Variants in CDH13 observed in about 807,000 individuals in gnomAD.
CDH13 encodes the protein cadherin 13.
Under a neutral mutation model 63.8 loss-of-function variants are expected in CDH13, and 24 were observed. That is an observed-to-expected ratio of 0.38 (90% CI 0.27 to 0.53). CDH13 has a LOEUF of 0.53. Ranked by LOEUF, CDH13 falls within the 20% of genes least tolerant of loss-of-function variation. CDH13 has a pLI of 0.85. For synonymous variants in CDH13, 503 were observed against 355.3 expected, an observed-to-expected ratio of 1.42 and a Z score of -4.67; for missense variants, 1,049 against 903.1, an observed-to-expected ratio of 1.16 and a Z score of -2.07.
chr16:83,667,024 TG>T (rs1914033357), intron 8 of CDH13, among the ~76,000 whole-genome samples: 2 of 47,340 alleles, frequency 4.2e-5, no homozygotes, highest in Admixed American at 2.7e-4. Context: ...GATGGATGGA[TG>T]GATGGGTGGA....
At chr16:83,513,274 C>A (rs559023945) in intron 7 of CDH13, among the ~76,000 whole-genome samples, 10 of 152,118 alleles carry the variant, frequency 6.6e-5, no homozygotes, top group Non-Finnish European at 8.8e-5. Context: ...TGACTCAGCC[C>A]CTGACCACAG....
intron 7 of CDH13, among the ~76,000 whole-genome samples, chr16:83,583,540 G>C (rs533292546): frequency 1.6e-4 from 24 of 152,324 alleles, no homozygotes; most frequent in African/African-American, 5.5e-4. Context: ...GATGTATAGG[G>C]ATTATCCCAT....
intron 4 of CDH13, among the ~76,000 whole-genome samples, chr16:83,134,850 A>G (rs1389282600): frequency 6.6e-6 from 1 of 152,172 alleles, no homozygotes. Context: ...ACTTCCCTCC[A>G]TGATCTACAT....
At chr16:82,765,751 A>G (rs1393739746) in intron 1 of CDH13, among the ~76,000 whole-genome samples, 2 of 152,166 alleles carry the variant, frequency 1.3e-5, no homozygotes, top group African/African-American at 4.8e-5. Flanking sequence ...TCTGAGTGTC[A>G]TGTCTTCCTG....
chr16:82,786,203 A>C (rs566232651), intron 1 of CDH13, among the ~76,000 whole-genome samples: 2 of 152,224 alleles, frequency 1.3e-5, no homozygotes, highest in Non-Finnish European at 2.9e-5. Context: ...TAGAAGTAGA[A>C]GGCAAAGAAT....
chr16:83,719,531 CACA>C (rs1309589945), intron 10 of CDH13, among the ~76,000 whole-genome samples: 2 of 152,138 alleles, frequency 1.3e-5, no homozygotes, highest in African/African-American at 2.4e-5. Flanking sequence ...CATTTTCCAG[CACA>C]ACAACTAGAT....
intron 5 of CDH13, among the ~76,000 whole-genome samples, chr16:83,313,666 A>AAAAAAAAAAAAAAAAAAAAAT (rs1555528954): frequency 1.4e-5 from 2 of 144,208 alleles, no homozygotes; most frequent in South Asian, 2.2e-4. Flanking sequence ...AAAAAAAAAA[A>AAAAAAAAAAAAAAAAAAAAAT]GGGAGGTCCT....
intron 1 of CDH13, among the ~76,000 whole-genome samples, chr16:82,712,868 C>G (rs7188792): frequency 6.6e-6 from 1 of 152,104 alleles, no homozygotes; most frequent in Non-Finnish European, 1.5e-5. Context: ...ACTCTCCGCT[C>G]TCTGGGGGCC....
chr16:82,733,818 A>G (rs1345457808), intron 1 of CDH13, among the ~76,000 whole-genome samples: 3 of 152,258 alleles, frequency 2.0e-5, no homozygotes, highest in African/African-American at 7.2e-5. Flanking sequence ...AAACTGGATA[A>G]AATACCCAGT....
At chr16:83,412,199 C>G (rs769369392) in intron 6 of CDH13, among the ~76,000 whole-genome samples, 3 of 152,208 alleles carry the variant, frequency 2.0e-5, no homozygotes, top group Admixed American at 2.0e-4. Context: ...TGGTAGCTCA[C>G]TCCTGTAATC....
At chr16:82,633,951 A>G (rs1364835277) in intron 1 of CDH13, among the ~76,000 whole-genome samples, 3 of 152,210 alleles carry the variant, frequency 2.0e-5, no homozygotes, top group Non-Finnish European at 2.9e-5. Context: ...AAAAAAAGTG[A>G]TTGTTTTTCC....
intron 6 of CDH13, among the ~76,000 whole-genome samples, chr16:83,433,722 G>A (rs898237782): frequency 6.6e-6 from 1 of 152,222 alleles, no homozygotes; most frequent in African/African-American, 2.4e-5. Context: ...ACAGGCTGAT[G>A]TAGATTCCTT....
chr16:83,266,607 C>G (rs1015511295), intron 5 of CDH13, among the ~76,000 whole-genome samples: 1 of 152,108 alleles, frequency 6.6e-6, no homozygotes, highest in Non-Finnish European at 1.5e-5. Context: ...CCAGGGAATA[C>G]CTAAAAAATG....
At chr16:82,995,557 A>G (rs566774298) in intron 2 of CDH13, among the ~76,000 whole-genome samples, 8 of 152,186 alleles carry the variant, frequency 5.3e-5, no homozygotes, top group African/African-American at 1.4e-4. Context: ...CACCATTCCA[A>G]TTCTGGACTG....
intron 1 of CDH13, among the ~76,000 whole-genome samples, chr16:82,648,520 A>G (rs1417633361): frequency 2.0e-5 from 3 of 152,224 alleles, no homozygotes; most frequent in Non-Finnish European, 4.4e-5. Flanking sequence ...GAAAAATCAT[A>G]TGAATGAGAA....
At position 83,799,141 on chromosome 16, in the gene CDH13, ATCTC is replaced by A. The variant is rs35590734; in HGVS notation, c.*4113_*4116del. 0.16 allele frequency: 24,679 copies of A among 151,586 alleles called. 2,075 individuals carry two copies. Among genetic ancestry groups the A allele is most frequent in the Middle Eastern group, 0.21 (62 of 292 alleles). 9.4% of individuals were successfully genotyped at this position (151,586 alleles called of 1,614,324 possible). On this transcript the variant is annotated 3_prime_UTR_variant, in exon 14 of 14. Coordinates refer to ENST00000567109, the MANE Select transcript of CDH13 (RefSeq NM_001257.5). ...AGCCTGGCCAGCATGGTGAAACCCT[ATCTC>A]TACTAAAAAATACAAAAATTAGCTG...
chr16:83,010,017 C>T (rs1383608414), intron 2 of CDH13, among the ~76,000 whole-genome samples: 2 of 151,846 alleles, frequency 1.3e-5, no homozygotes, highest in Non-Finnish European at 2.9e-5. Context: ...CGCCTGTAAT[C>T]CCAGCTACTC....
In CDH13 at chr16:83,304,955, T is replaced by G. The variant is rs142247787; in HGVS notation, c.637-39907T>G. ...GCAGAACTTTCCCACTTTTCATATT[T>G]TACAAAGGAGCATTTTATTTAAGCT... On this transcript the variant is annotated intron_variant, in intron 5 of 13. Transcript: ENST00000567109. Among the ~76,000 whole-genome samples, 72 of 152,326 alleles carry G rather than the reference T, an allele frequency of 4.7e-4. 1 individual carries two copies. Among genetic ancestry groups the G allele is most frequent in the African/African-American group, 1.7e-3 (69 of 41,572 alleles).
At chr16:83,302,630 A>G (rs141215925) in intron 5 of CDH13, among the ~76,000 whole-genome samples, 1 of 152,336 alleles carries the variant, frequency 6.6e-6, no homozygotes, top group African/African-American at 2.4e-5. Context: ...ATTAGGGGAG[A>G]AACAGTGGAT....
Sources: allele counts gnomAD v4.1 joint callset (sites outside exome capture counted in the v4.1 genomes callset), GRCh38; gene constraint gnomAD v4.1.1; transcripts MANE v1.5; gene names NCBI Gene and HGNC (gene_info 2026-07-23, HGNC 2026-07-21).